The following RBFOX3 variants were observed in gnomAD, a reference collection of about 807,000 sequenced individuals.
The protein encoded by RBFOX3 is RNA binding protein fox-1 homolog 3.
RBFOX3 carries 17 observed loss-of-function variants against 48.7 expected under a neutral mutation model. The ratio of observed to expected loss-of-function variants is 0.35; its 90% CI spans 0.24 to 0.52. RBFOX3 has a LOEUF of 0.52. RBFOX3 is among the 20% of genes least tolerant of loss of function. The pLI is 0.94. For synonymous variants in RBFOX3, 212 were observed against 209.5 expected, an observed-to-expected ratio of 1.01 and a Z score of -0.10; for missense variants, 382 against 497.5, an observed-to-expected ratio of 0.77 and a Z score of 2.21.
intron 2 of RBFOX3, among the ~76,000 whole-genome samples, chr17:79,368,402 A>C (rs1236232734): frequency 6.6e-6 from 1 of 152,244 alleles, no homozygotes; most frequent in Non-Finnish European, 1.5e-5. Flanking sequence ...TGGGTTTCCC[A>C]ATGTGGCTTC....
intron 4 of RBFOX3, among the ~76,000 whole-genome samples, chr17:79,182,188 C>G (rs1192877917): frequency 6.6e-6 from 1 of 152,178 alleles, no homozygotes; most frequent in Non-Finnish European, 1.5e-5. Flanking sequence ...GGGAACCCCT[C>G]TCACTGGGCC....
chr17:79,109,793 G>A lies in RBFOX3; in HGVS notation c.223-3005C>T, dbSNP rs1338228110. The stretch of plus-strand genomic sequence containing the variant: ...GAGGGCGATGGTGGGAACCAGCCCC[G>A]CGCCCACCCACAGGCGCTGGGGCAT... On this transcript the variant is annotated intron_variant, in intron 5 of 14. Coordinates refer to ENST00000693108, the MANE Select transcript of RBFOX3 (RefSeq NM_001350451.2). Among the ~76,000 whole-genome samples the A allele has an allele frequency of 5.9e-5, 9 of 151,922 alleles. No homozygotes were observed. The East Asian group carries it at 7.7e-4, about 13-fold the overall frequency.
chr17:79,639,753 A>C, the RBFOX3 span, among the ~76,000 whole-genome samples: 2 of 152,230 alleles, frequency 1.3e-5, no homozygotes, highest in Non-Finnish European at 2.9e-5. Flanking sequence ...AATCATCTAA[A>C]TAGACATAGA....
At chr17:79,274,522 G>A (rs949948185) in intron 3 of RBFOX3, among the ~76,000 whole-genome samples, 4 of 152,254 alleles carry the variant, frequency 2.6e-5, no homozygotes, top group South Asian at 2.1e-4. Flanking sequence ...GTATCTGGGC[G>A]GGGAGGCTGG....
At chr17:79,194,335 G>A (rs1199830902) in intron 4 of RBFOX3, among the ~76,000 whole-genome samples, 9 of 152,048 alleles carry the variant, frequency 5.9e-5, no homozygotes, top group East Asian at 5.8e-4. Flanking sequence ...AGCCAGGTGC[G>A]GTGGCTCACA....
chr17:79,142,426 G>A (rs778585827), intron 4 of RBFOX3, among the ~76,000 whole-genome samples: 10 of 152,250 alleles, frequency 6.6e-5, no homozygotes, highest in African/African-American at 7.2e-5. Context: ...TGTTGCCCAC[G>A]GCTGAGCACT....
intron 4 of RBFOX3, among the ~76,000 whole-genome samples, chr17:79,144,207 C>T (rs988834500): frequency 2.6e-5 from 4 of 152,326 alleles, no homozygotes; most frequent in Non-Finnish European, 4.4e-5. Flanking sequence ...CCCTCCAAGC[C>T]GTCCTGGCAT....
chr17:79,379,124 C>A (rs1399137584), intron 2 of RBFOX3, among the ~76,000 whole-genome samples: 1 of 152,346 alleles, frequency 6.6e-6, no homozygotes, highest in African/African-American at 2.4e-5. Flanking sequence ...CCACTCCCAG[C>A]CCCATCCTGG....
chr17:79,384,494 C>T (rs978814416), intron 2 of RBFOX3, among the ~76,000 whole-genome samples: 2 of 152,200 alleles, frequency 1.3e-5, no homozygotes, highest in Non-Finnish European at 2.9e-5. Context: ...CTCTGGAGAA[C>T]CGTCTGCCCT....
chr17:79,470,516 A>G (rs1454115730), intron 2 of RBFOX3, among the ~76,000 whole-genome samples: 2 of 151,450 alleles, frequency 1.3e-5, no homozygotes, highest in African/African-American at 4.9e-5. Flanking sequence ...ACTCCAAACC[A>G]CCCCTCAGCA....
At chr17:79,248,470 T>C (rs145123092) in intron 3 of RBFOX3, among the ~76,000 whole-genome samples, 1 of 152,276 alleles carries the variant, frequency 6.6e-6, no homozygotes, top group African/African-American at 2.4e-5. Context: ...TGGGATTCAC[T>C]TGCACCAAGA....
chr17:79,145,777 A>C (rs2042913881), intron 4 of RBFOX3, among the ~76,000 whole-genome samples: 2 of 152,066 alleles, frequency 1.3e-5, no homozygotes, highest in South Asian at 4.1e-4. Flanking sequence ...CATGCGGCCC[A>C]CACGGGGGCT....
the RBFOX3 span, among the ~76,000 whole-genome samples, chr17:79,635,799 G>A: frequency 1.3e-5 from 2 of 152,026 alleles, no homozygotes; most frequent in Non-Finnish European, 2.9e-5. Flanking sequence ...AAATATAAAT[G>A]GTCATTAAAC....
intron 3 of RBFOX3, among the ~76,000 whole-genome samples, chr17:79,273,070 G>T (rs1392836947): frequency 6.6e-6 from 1 of 152,182 alleles, no homozygotes; most frequent in Non-Finnish European, 1.5e-5. Flanking sequence ...TCTGGGGCTT[G>T]GCTTGGAGCC....
At chr17:79,485,324 T>C (rs1007893727) in intron 1 of RBFOX3, among the ~76,000 whole-genome samples, 2 of 152,208 alleles carry the variant, frequency 1.3e-5, no homozygotes, top group South Asian at 4.1e-4. Flanking sequence ...TGGACACCCA[T>C]GCTGCCCAGC....
chr17:79,258,781 G>T (rs2065270206), intron 3 of RBFOX3, among the ~76,000 whole-genome samples: 1 of 152,174 alleles, frequency 6.6e-6, no homozygotes, highest in African/African-American at 2.4e-5. Flanking sequence ...TCTCCTAGTG[G>T]GAATCCCACC....
At chr17:79,272,715 G>A (rs1431231342) in intron 3 of RBFOX3, among the ~76,000 whole-genome samples, 4 of 152,190 alleles carry the variant, frequency 2.6e-5, no homozygotes, top group East Asian at 1.9e-4. Flanking sequence ...CTCTGTCATC[G>A]CAGATAATTG....
rs1199149590 is a variant in RBFOX3 at position 79,098,096 on chromosome 17, C to A, written c.569-351G>T. 1.8e-5 allele frequency: 5 copies of A among 274,186 alleles called. No homozygotes were observed. In the South Asian group the frequency reaches 2.2e-4, roughly 12 times the overall value. 17.0% of individuals were successfully genotyped at this position (274,186 alleles called of 1,614,324 possible). ...GAGGGAAAGTGGAACTTGTTATCTA[C>A]CCCCCTGAGCACAGCTGGGATGAGG... On this transcript the variant is annotated intron_variant, in intron 9 of 14. Transcript: ENST00000693108.
chr17:79,489,153 T>C (rs2080100413), intron 1 of RBFOX3, among the ~76,000 whole-genome samples: 2 of 151,692 alleles, frequency 1.3e-5, no homozygotes, highest in African/African-American at 2.4e-5. Context: ...CATTTTAGAT[T>C]TTACTTTTCT....
Sources: gnomAD v4.1 joint callset for allele counts (sites outside exome capture counted in the v4.1 genomes callset) on GRCh38, gnomAD v4.1.1 for gene constraint, MANE v1.5 for transcripts, NCBI Gene and HGNC (gene_info 2026-07-23, HGNC 2026-07-21) for gene names.